Variants in FBXL17 observed in about 807,000 individuals in gnomAD.
FBXL17 encodes F-box/LRR-repeat protein 17.
FBXL17 carries 22 observed loss-of-function variants against 66.2 expected under a neutral mutation model. The observed-to-expected ratio is 0.33, with a 90% CI of 0.24 to 0.47. FBXL17 has a LOEUF of 0.47. FBXL17 is among the 20% of genes least tolerant of loss of function. The pLI is 1.00. For missense variants in FBXL17, 878 were observed against 948.2 expected (o/e 0.93, Z 0.97); for synonymous variants, 474 against 400.5 (o/e 1.18, Z -2.19).
At chr5:108,356,804 CT>C (rs1379005468) in intron 3 of FBXL17, among the ~76,000 whole-genome samples, 1 of 151,860 alleles carries the variant, frequency 6.6e-6, no homozygotes, top group Non-Finnish European at 1.5e-5. Flanking sequence ...AGAGTGAACC[CT>C]AACATAAATT....
At chr5:108,029,923 C>A (rs930728903) in intron 6 of FBXL17, among the ~76,000 whole-genome samples, 3 of 151,812 alleles carry the variant, frequency 2.0e-5, no homozygotes, top group Admixed American at 6.6e-5. Flanking sequence ...TTCAGTGGTT[C>A]CTAACGTTAA....
At chr5:107,942,846 T>A (rs1472285937) in intron 7 of FBXL17, among the ~76,000 whole-genome samples, 1 of 152,170 alleles carries the variant, frequency 6.6e-6, no homozygotes, top group African/African-American at 2.4e-5. Flanking sequence ...CCTTTCCCCA[T>A]TTCCTCACCT....
intron 1 of FBXL17, among the ~76,000 whole-genome samples, chr5:108,378,182 C>A (rs1298151804): frequency 1.3e-5 from 2 of 151,404 alleles, no homozygotes; most frequent in African/African-American, 4.9e-5. Context: ...CAAAAATTAG[C>A]CTATGATGCA....
rs1015214464 is a variant in FBXL17 at position 108,098,703 on chromosome 5, C to G, written c.1746-77702G>C. Reference sequence around the variant, plus strand: ...GCGCTTGCAATGAGCCAAGATCGTGCTGCTGCACTCCAGCCTGGGCAACAG... The same window carrying G: ...GCGCTTGCAATGAGCCAAGATCGTGGTGCTGCACTCCAGCCTGGGCAACAG... On this transcript the variant is annotated intron_variant, in intron 6 of 8. Transcript: ENST00000542267. Among the ~76,000 whole-genome samples, 7 of 144,128 alleles carry G rather than the reference C, an allele frequency of 4.9e-5. No homozygotes were observed. The South Asian group carries it at 1.1e-3, about 23-fold the overall frequency. The allele number at this position is 144,128 out of a possible 152,430, so 94.6% of individuals were successfully genotyped here. A position where few individuals can be genotyped will look rare whatever the true frequency, so the allele number is the denominator to read the frequency against.
At chr5:108,182,039 T>C (rs1409501640) in intron 6 of FBXL17, among the ~76,000 whole-genome samples, 1 of 152,166 alleles carries the variant, frequency 6.6e-6, no homozygotes, top group Non-Finnish European at 1.5e-5. Context: ...TGCCTATCAA[T>C]TACCTGAGTA....
chr5:108,256,789 T>C (rs935608747), intron 4 of FBXL17, among the ~76,000 whole-genome samples: 1 of 152,086 alleles, frequency 6.6e-6, no homozygotes, highest in Non-Finnish European at 1.5e-5. Context: ...ATACTATTCC[T>C]ATTATTCCTT....
intron 6 of FBXL17, among the ~76,000 whole-genome samples, chr5:108,094,315 G>T (rs892220170): frequency 1.3e-5 from 2 of 152,070 alleles, no homozygotes; most frequent in Non-Finnish European, 2.9e-5. Flanking sequence ...ACAAAATTAT[G>T]TATCTTTGTA....
chr5:108,088,587 G>C (rs1312881306), intron 6 of FBXL17, among the ~76,000 whole-genome samples: 1 of 151,748 alleles, frequency 6.6e-6, no homozygotes, highest in Non-Finnish European at 1.5e-5. Context: ...TGTAGTCTCA[G>C]CTACTCAGGA....
intron 6 of FBXL17, among the ~76,000 whole-genome samples, chr5:108,178,612 G>C (rs1752885861): frequency 6.6e-6 from 1 of 152,122 alleles, no homozygotes; most frequent in African/African-American, 2.4e-5. Flanking sequence ...AAACTATTCA[G>C]TGGATTGCAG....
intron 5 of FBXL17, among the ~76,000 whole-genome samples, chr5:108,223,835 G>A (rs1475699454): frequency 2.6e-5 from 4 of 151,488 alleles, no homozygotes; most frequent in African/African-American, 9.7e-5. Context: ...TATCTTCTAA[G>A]CACAATATAT....
At chr5:108,122,894 C>T (rs184057439) in intron 6 of FBXL17, among the ~76,000 whole-genome samples, 239 of 152,166 alleles carry the variant, frequency 1.6e-3, no homozygotes, top group South Asian at 4.4e-3. Context: ...TGATTACTGG[C>T]AGTGCTATCG....
intron 7 of FBXL17, among the ~76,000 whole-genome samples, chr5:107,990,720 A>G (rs1329028269): frequency 6.6e-6 from 1 of 152,190 alleles, no homozygotes; most frequent in Non-Finnish European, 1.5e-5. Flanking sequence ...ATAAGAAATA[A>G]TGTTAGTCTT....
intron 7 of FBXL17, among the ~76,000 whole-genome samples, chr5:107,976,688 T>C (rs1364878538): frequency 6.6e-6 from 1 of 152,246 alleles, no homozygotes; most frequent in Non-Finnish European, 1.5e-5. Flanking sequence ...TTAAAAATGC[T>C]TTAATGACAT....
chr5:108,094,246 G>C (rs1749290198), intron 6 of FBXL17, among the ~76,000 whole-genome samples: 1 of 152,166 alleles, frequency 6.6e-6, no homozygotes, highest in African/African-American at 2.4e-5. Context: ...AGCAAAGGTA[G>C]AACATGAGGG....
intron 7 of FBXL17, among the ~76,000 whole-genome samples, chr5:107,959,325 C>A (rs1287829325): frequency 6.6e-6 from 1 of 151,272 alleles, no homozygotes; most frequent in East Asian, 1.9e-4. Flanking sequence ...TTTGGTAATA[C>A]AGAAAACTAA....
intron 7 of FBXL17, among the ~76,000 whole-genome samples, chr5:107,990,869 T>C (rs1287595816): frequency 6.6e-6 from 1 of 152,140 alleles, no homozygotes; most frequent in Admixed American, 6.5e-5. Flanking sequence ...CTGGTAGGAT[T>C]TGTCTCAGTC....
intron 4 of FBXL17, among the ~76,000 whole-genome samples, chr5:108,302,432 T>A (rs1758634164): frequency 6.6e-6 from 1 of 151,838 alleles, no homozygotes; most frequent in Non-Finnish European, 1.5e-5. Context: ...CCTCTCTAAA[T>A]GAGTCTTTAG....
At chr5:107,877,365 T>C (rs1325832602) in intron 8 of FBXL17, among the ~76,000 whole-genome samples, 2 of 152,318 alleles carry the variant, frequency 1.3e-5, no homozygotes, top group African/African-American at 4.8e-5. Flanking sequence ...CGTTTAACTT[T>C]TCCCATTTGT....
intron 7 of FBXL17, among the ~76,000 whole-genome samples, chr5:107,901,617 T>C (rs1437348277): frequency 2.0e-5 from 3 of 152,164 alleles, no homozygotes; most frequent in Non-Finnish European, 2.9e-5. Context: ...CACAGAAATA[T>C]ACTTCTCCTC....
Sources: gnomAD v4.1 joint callset for allele counts (sites outside exome capture counted in the v4.1 genomes callset) on GRCh38, gnomAD v4.1.1 for gene constraint, MANE v1.5 for transcripts, NCBI Gene and HGNC (gene_info 2026-07-23, HGNC 2026-07-21) for gene names.